The following COL19A1 variants were observed in gnomAD, a reference collection of about 807,000 sequenced individuals.
COL19A1 encodes collagen alpha-1(XIX) chain.
In COL19A1, 159 loss-of-function variants were observed where a neutral mutation model predicts 190.2. The ratio of observed to expected loss-of-function variants is 0.84; its 90% CI spans 0.73 to 0.95. The LOEUF (loss-of-function observed/expected upper bound fraction) is 0.95, where lower values mean the gene tolerates loss of function less well. COL19A1 is among the 40% of genes least tolerant of loss of function. The pLI, the probability that COL19A1 is intolerant of heterozygous loss-of-function variation, is 0.00. For synonymous variants in COL19A1, 509 were observed against 458.9 expected (o/e 1.11, Z -1.39); for missense variants, 1,418 against 1,431.9 (o/e 0.99, Z 0.16).
At chr6:70,070,218 T>C (rs576671651) in intron 15 of COL19A1, among the ~76,000 whole-genome samples, 3 of 152,246 alleles carry the variant, frequency 2.0e-5, no homozygotes, top group Non-Finnish European at 2.9e-5. Flanking sequence ...CAAATTAAAA[T>C]TGTACCCTAT....
chr6:69,886,207 T>C (rs1768920873), intron 2 of COL19A1, among the ~76,000 whole-genome samples: 2 of 152,286 alleles, frequency 1.3e-5, no homozygotes, highest in Admixed American at 1.3e-4. Flanking sequence ...GAGATAAAAA[T>C]GTCCAACAGG....
chr6:69,972,869 T>G (rs1258499750), intron 11 of COL19A1, among the ~76,000 whole-genome samples: 1 of 152,198 alleles, frequency 6.6e-6, no homozygotes, highest in Non-Finnish European at 1.5e-5. Flanking sequence ...GTCTTTTGAA[T>G]TTAGTAGTAA....
chr6:70,030,554 G>A lies in COL19A1; in HGVS notation c.1081-3691G>A, dbSNP rs964615399. Among the ~76,000 whole-genome samples the A allele has an allele frequency of 7.2e-5, 11 of 152,188 alleles. No individual in the cohort carries two copies. The East Asian group carries it at 1.4e-3, about 19-fold the overall frequency. On this transcript the variant is annotated intron_variant, in intron 12 of 50. Coordinates refer to ENST00000620364, the MANE Select transcript of COL19A1 (RefSeq NM_001858.6). ...TGTTTCACACTTACACATTTATAAG[G>A]AGTATATAATTTAGTCTTACATGTT...
intron 49 of COL19A1, among the ~76,000 whole-genome samples, chr6:70,205,220 A>T (rs1767784385): frequency 6.6e-6 from 1 of 152,324 alleles, no homozygotes; most frequent in African/African-American, 2.4e-5. Context: ...ATTTATGATC[A>T]GGTCTTACAT....
At chr6:69,899,110 G>T in intron 3 of COL19A1, 88 bp downstream of exon 3, 1 of 777,728 alleles carries the variant, frequency 1.3e-6, no homozygotes, top group Non-Finnish European at 2.1e-6. Context: ...GTGAATCTTT[G>T]ATACTGCAAT....
chr6:69,919,463 C>A (rs1582394048), intron 4 of COL19A1, among the ~76,000 whole-genome samples: 1 of 152,074 alleles, frequency 6.6e-6, no homozygotes, highest in African/African-American at 2.4e-5. Flanking sequence ...ATAGAGTGAT[C>A]AAATGCTTCC....
rs1333745065 is a variant in COL19A1 at position 69,879,516 on chromosome 6, T to A, written c.-32-20T>A. The A allele has an allele frequency of 2.2e-5, 21 of 959,056 alleles. No individual in the cohort carries two copies. Among genetic ancestry groups the A allele is most frequent in the Admixed American group, 5.0e-5 (2 of 40,308 alleles). The allele number at this position is 959,056 out of a possible 1,614,324, so 59.4% of individuals were successfully genotyped here. On this transcript the variant is annotated intron_variant, in intron 1 of 50. Coordinates refer to ENST00000620364, the MANE Select transcript of COL19A1 (RefSeq NM_001858.6). ...CTGCATACAATAAACTTTATTCAAA[T>A]TTTTTTTTTTCTGTTGCAGATCCGT...
chr6:70,032,755 C>T (rs1037546393), intron 12 of COL19A1, among the ~76,000 whole-genome samples: 1 of 152,062 alleles, frequency 6.6e-6, no homozygotes, highest in East Asian at 1.9e-4. Context: ...GCTACCAGTA[C>T]AGGTCTAAAG....
At chr6:70,031,210 C>G (rs375242015) in intron 12 of COL19A1, among the ~76,000 whole-genome samples, 182 of 152,176 alleles carry the variant, frequency 1.2e-3, no homozygotes, top group African/African-American at 4.2e-3. Context: ...CCTCTGCCCC[C>G]ACACAGATCA....
At position 70,210,113 on chromosome 6, in the gene COL19A1, A is replaced by C. The variant is rs1034592215; in HGVS notation, c.*2839A>C. The stretch of plus-strand genomic sequence containing the variant: ...TGAATAACTCTTGTTTGCACTCCAG[A>C]AAACAACATACATGTTTAAATACAA... On this transcript the variant is annotated 3_prime_UTR_variant, in exon 51 of 51. Coordinates refer to ENST00000620364, the MANE Select transcript of COL19A1 (RefSeq NM_001858.6). The C allele has an allele frequency of 1.3e-5, 2 of 152,220 alleles. No homozygotes were observed. Among genetic ancestry groups the C allele is most frequent in the African/African-American group, 4.8e-5 (2 of 41,468 alleles). The allele number at this position is 152,220 out of a possible 1,614,324, so 9.4% of individuals were successfully genotyped here.
intron 48 of COL19A1, among the ~76,000 whole-genome samples, chr6:70,190,927 A>G (rs1036106643): frequency 2.6e-5 from 4 of 152,204 alleles, no homozygotes; most frequent in Admixed American, 6.5e-5. Flanking sequence ...AGCGAGTTAT[A>G]TTTTTAAACG....
intron 16 of COL19A1, among the ~76,000 whole-genome samples, chr6:70,120,534 T>G (rs1784829475): frequency 6.6e-6 from 1 of 152,200 alleles, no homozygotes; most frequent in Non-Finnish European, 1.5e-5. Context: ...CTAACTGACC[T>G]AGAATTCTTT....
intron 12 of COL19A1, among the ~76,000 whole-genome samples, chr6:70,033,526 C>A (rs185409791): frequency 6.2e-4 from 94 of 152,180 alleles, no homozygotes; most frequent in African/African-American, 2.2e-3. Flanking sequence ...AGCTGTAGAG[C>A]TGATCTCCTC....
chr6:70,003,383 G>A (rs1384185433), intron 11 of COL19A1, among the ~76,000 whole-genome samples: 1 of 152,120 alleles, frequency 6.6e-6, no homozygotes, highest in Admixed American at 6.5e-5. Flanking sequence ...ATATCTATTA[G>A]GTCCACTTGA....
chr6:70,199,817 A>G (rs1767439530), intron 49 of COL19A1, 81 bp downstream of exon 49: 2 of 1,393,574 alleles, frequency 1.4e-6, no homozygotes, highest in African/African-American at 1.4e-5. Context: ...TAAGGAAAAA[A>G]GTATGTATGT....
At chr6:70,164,136 A>G (rs181516198) in intron 36 of COL19A1, among the ~76,000 whole-genome samples, 1 of 152,272 alleles carries the variant, frequency 6.6e-6, no homozygotes, top group Non-Finnish European at 1.5e-5. Flanking sequence ...CATGGGGGAA[A>G]TTTACTGAAG....
At chr6:70,087,227 T>C (rs1292123333) in intron 15 of COL19A1, among the ~76,000 whole-genome samples, 5 of 152,156 alleles carry the variant, frequency 3.3e-5, no homozygotes, top group Non-Finnish European at 5.9e-5. Flanking sequence ...TGGAGACAGA[T>C]GGCCACAAAA....
chr6:69,873,423 A>G (rs1487659877), intron 1 of COL19A1, among the ~76,000 whole-genome samples: 3 of 152,108 alleles, frequency 2.0e-5, no homozygotes, highest in Non-Finnish European at 4.4e-5. Context: ...GCATATTTAC[A>G]TATGCGTGTG....
chr6:70,119,623 A>G (rs1314850185), intron 16 of COL19A1, among the ~76,000 whole-genome samples: 1 of 152,164 alleles, frequency 6.6e-6, no homozygotes, highest in Non-Finnish European at 1.5e-5. Flanking sequence ...GCTAATGTTA[A>G]ATATTAGCCC....
Sources: gnomAD v4.1 joint callset for allele counts (sites outside exome capture counted in the v4.1 genomes callset) on GRCh38, gnomAD v4.1.1 for gene constraint, MANE v1.5 for transcripts, NCBI Gene and HGNC (gene_info 2026-07-23, HGNC 2026-07-21) for gene names.